The following EFL1 variants were observed in gnomAD, a reference collection of about 807,000 sequenced individuals.
The protein encoded by EFL1 is elongation factor-like GTPase 1.
In EFL1, 76 loss-of-function variants were observed where a neutral mutation model predicts 126.7. The ratio of observed to expected loss-of-function variants is 0.60; its 90% CI spans 0.50 to 0.73. The LOEUF is 0.73. Ranked by LOEUF, EFL1 falls within the 30% of genes least tolerant of loss-of-function variation. EFL1 has a pLI of 0.00. For missense variants in EFL1, 1,128 were observed against 1,343.2 expected, an observed-to-expected ratio of 0.84 and a Z score of 2.50; for synonymous variants, 410 against 448.4, an observed-to-expected ratio of 0.91 and a Z score of 1.08.
At chr15:82,257,286 G>A (rs1394559483) in intron 3 of EFL1, among the ~76,000 whole-genome samples, 1 of 152,078 alleles carries the variant, frequency 6.6e-6, no homozygotes, top group Non-Finnish European at 1.5e-5. Flanking sequence ...ATTAACTTCT[G>A]CAGCATTTTT....
chr15:82,230,735 T>A, intron 8 of EFL1, 113 bp downstream of exon 8: 1 of 1,307,068 alleles, frequency 7.7e-7, no homozygotes. Flanking sequence ...AAATCCCTCA[T>A]GAACTCACCT....
chr15:82,133,027 G>A (rs748791063), intron 19 of EFL1, among the ~76,000 whole-genome samples: 1 of 152,128 alleles, frequency 6.6e-6, no homozygotes, highest in Non-Finnish European at 1.5e-5. Context: ...AAAACAGCCT[G>A]ACTGGTCAAA....
chr15:82,222,598 T>A (rs2074723310), intron 12 of EFL1, among the ~76,000 whole-genome samples: 1 of 152,140 alleles, frequency 6.6e-6, no homozygotes, highest in Admixed American at 6.5e-5. Flanking sequence ...TATCCATCCA[T>A]CCAGTTAACA....
intron 4 of EFL1, among the ~76,000 whole-genome samples, chr15:82,248,923 T>C (rs922537395): frequency 3.9e-5 from 6 of 151,940 alleles, no homozygotes; most frequent in African/African-American, 1.5e-4. Flanking sequence ...CAGGAACTAA[T>C]AATATTGTAC....
At chr15:82,131,788 G>A (rs112374592) in intron 19 of EFL1, among the ~76,000 whole-genome samples, 1 of 151,588 alleles carries the variant, frequency 6.6e-6, no homozygotes, top group Non-Finnish European at 1.5e-5. Flanking sequence ...GTGAAACTCT[G>A]TCTCAAAAGA....
chr15:82,239,910 C>T (rs1021380731), intron 6 of EFL1, among the ~76,000 whole-genome samples: 9 of 152,180 alleles, frequency 5.9e-5, no homozygotes, highest in African/African-American at 9.7e-5. Flanking sequence ...ACACCCAGGA[C>T]TTATCTCATT....
At position 82,240,558 on chromosome 15, in the gene EFL1, G is replaced by C. The variant is rs2074920868; in HGVS notation, c.379-3C>G. ...GCTTGTCGCAGAACTGCCTGTGTCT[G>C]ATAAAAACAGAAAGAAAAATGTAAA... On this transcript the variant is annotated splice_polypyrimidine_tract_variant and splice_region_variant and intron_variant, in intron 5 of 19. Transcript: ENST00000268206. 4.4e-6 allele frequency: 7 copies of C among 1,604,766 alleles called. No individual in the cohort carries two copies. The highest frequency in any genetic ancestry group is 5.9e-6 in the Non-Finnish European group (7 of 1,177,722).
chr15:82,241,447 C>T, intron 4 of EFL1, 44 bp from the exon 5 acceptor site: 1 of 1,588,942 alleles, frequency 6.3e-7, no homozygotes, highest in Non-Finnish European at 8.6e-7. Context: ...TGTCCAGGTA[C>T]ACAATGTTCT....
intron 8 of EFL1, among the ~76,000 whole-genome samples, chr15:82,229,928 A>G (rs766534797): frequency 3.5e-4 from 53 of 152,248 alleles, no homozygotes; most frequent in Non-Finnish European, 3.2e-4. Flanking sequence ...AATTTTACAG[A>G]TGAAATAACT....
At chr15:82,217,601 A>G (rs889952860) in intron 14 of EFL1, among the ~76,000 whole-genome samples, 2 of 152,150 alleles carry the variant, frequency 1.3e-5, no homozygotes, top group Admixed American at 1.3e-4. Context: ...AAGCATGCAA[A>G]TGTGACAATA....
intron 15 of EFL1, among the ~76,000 whole-genome samples, chr15:82,203,414 G>A (rs1567061640): frequency 6.6e-6 from 1 of 152,196 alleles, no homozygotes; most frequent in Non-Finnish European, 1.5e-5. Flanking sequence ...TGTCGCCCAA[G>A]CTGGAGTGCA....
intron 19 of EFL1, among the ~76,000 whole-genome samples, chr15:82,134,627 G>A (rs1221146451): frequency 6.6e-6 from 1 of 152,222 alleles, no homozygotes; most frequent in East Asian, 1.9e-4. Context: ...AAATAAGCTT[G>A]TTTGGTGCTA....
chr15:82,211,343 G>A (rs2074582646), intron 15 of EFL1, among the ~76,000 whole-genome samples: 1 of 151,534 alleles, frequency 6.6e-6, no homozygotes, highest in Admixed American at 6.6e-5. Context: ...TGGCCAACCT[G>A]GTGAAACCCC....
At chr15:82,154,495 T>C (rs2073946208) in intron 17 of EFL1, among the ~76,000 whole-genome samples, 2 of 152,196 alleles carry the variant, frequency 1.3e-5, no homozygotes, top group African/African-American at 2.4e-5. Context: ...ATTCTTAATG[T>C]AAGCATAATT....
At chr15:82,211,529 GA>G (rs1195154367) in intron 15 of EFL1, among the ~76,000 whole-genome samples, 3,963 of 68,226 alleles carry the variant, frequency 0.058, 107 homozygotes, top group Non-Finnish European at 0.084. Flanking sequence ...CTGTCTCAAA[GA>G]AAAAAAAAAA....
Position 82,130,254 on chromosome 15 carries a change from A to T in EFL1, c.*119T>A. On this transcript the variant is annotated 3_prime_UTR_variant, in exon 20 of 20. Transcript: ENST00000268206. ...CCTCTTTAAAATATTTATATGGATC[A>T]ACTTTATTGAAAGTGAATAAACAGA... 1 of 1,076,752 alleles carries T rather than the reference A, an allele frequency of 9.3e-7. No homozygotes were observed. The allele number at this position is 1,076,752 out of a possible 1,614,324, so 66.7% of individuals were successfully genotyped here. A position where few individuals can be genotyped will look rare whatever the true frequency, so the allele number is the denominator to read the frequency against.
intron 15 of EFL1, among the ~76,000 whole-genome samples, chr15:82,202,750 T>C (rs781244342): frequency 4.6e-5 from 7 of 152,140 alleles, no homozygotes; most frequent in African/African-American, 7.2e-5. Context: ...TACTCAATTA[T>C]ATGGGATAAA....
chr15:82,226,234 T>C (rs2074762305), intron 11 of EFL1, among the ~76,000 whole-genome samples: 2 of 152,198 alleles, frequency 1.3e-5, no homozygotes, highest in Non-Finnish European at 2.9e-5. Flanking sequence ...AGTGGCGTTA[T>C]CTCGGCTCAC....
intron 17 of EFL1, among the ~76,000 whole-genome samples, chr15:82,154,015 C>T (rs1313550815): frequency 6.6e-6 from 1 of 152,168 alleles, no homozygotes; most frequent in Non-Finnish European, 1.5e-5. Flanking sequence ...CAACACTGCC[C>T]TCTTATTCCT....
Sources: allele counts gnomAD v4.1 joint callset (sites outside exome capture counted in the v4.1 genomes callset), GRCh38; gene constraint gnomAD v4.1.1; transcripts MANE v1.5; gene names NCBI Gene and HGNC (gene_info 2026-07-23, HGNC 2026-07-21).